The following FRMPD4 variants were observed in gnomAD, a reference collection of about 807,000 sequenced individuals.
FRMPD4 encodes FERM and PDZ domain-containing protein 4.
A neutral mutation model predicts 94.1 loss-of-function variants in FRMPD4; 22 were observed. The ratio of observed to expected loss-of-function variants is 0.23; its 90% CI spans 0.17 to 0.33. The LOEUF is 0.33. FRMPD4 is among the 10% of genes least tolerant of loss of function. FRMPD4 has a pLI of 1.00. For missense variants in FRMPD4, 1,111 were observed against 1,339.9 expected (o/e 0.83, Z 2.67); for synonymous variants, 631 against 548.6 (o/e 1.15, Z -2.10).
intron 1 of FRMPD4, among the ~76,000 whole-genome samples, chrX:12,419,861 A>G (rs2056859761): frequency 2.7e-5 from 3 of 109,891 alleles, no homozygotes. Flanking sequence ...CTCCTCCTTT[A>G]TCTCCTTCAT....
chrX:12,439,363 CTAA>C (rs1482453056), intron 1 of FRMPD4, among the ~76,000 whole-genome samples: 1 of 111,674 alleles, frequency 9.0e-6, no homozygotes, highest in East Asian at 2.8e-4. Context: ...TGATGGCAGA[CTAA>C]CACGTTAGCT....
chrX:12,053,154 A>G (rs982805847), intron 3 of FRMPD4, among the ~76,000 whole-genome samples: 7 of 109,027 alleles, frequency 6.4e-5, no homozygotes, highest in Non-Finnish European at 1.3e-4. Context: ...CCTGGCCAAC[A>G]TGGTGAAACC....
At chrX:11,990,179 C>T (rs1353023811) in intron 3 of FRMPD4, among the ~76,000 whole-genome samples, 2 of 112,000 alleles carry the variant, frequency 1.8e-5, no homozygotes, top group African/African-American at 3.2e-5. Context: ...ACCTTTAAAA[C>T]ATGATGCTAA....
Position 12,710,557 on chromosome X carries a change from A to C in FRMPD4, c.1609+20A>C, listed in dbSNP as rs779879684. 2.6e-5 allele frequency: 31 copies of C among 1,177,318 alleles called. No homozygotes were observed. The highest frequency in any genetic ancestry group is 3.5e-5 in the Non-Finnish European group (30 of 869,366). ...AAACAGGTATTCTCTTCCTGAACTC[A>C]TCAAGCACTGACCTCCCTGCAAACA... On this transcript the variant is annotated intron_variant, in intron 14 of 16. Coordinates refer to ENST00000675598, the MANE Select transcript of FRMPD4 (RefSeq NM_001368397.1).
At chrX:12,471,035 T>C (rs776106902) in intron 1 of FRMPD4, among the ~76,000 whole-genome samples, 3 of 112,512 alleles carry the variant, frequency 2.7e-5, no homozygotes, top group Non-Finnish European at 5.6e-5. Context: ...CTCCTGTTGA[T>C]GTTTTGTTCA....
At chrX:12,473,162 C>G (rs1340412069) in intron 1 of FRMPD4, among the ~76,000 whole-genome samples, 1 of 110,504 alleles carries the variant, frequency 9.0e-6, no homozygotes, top group Non-Finnish European at 1.9e-5. Flanking sequence ...CAATATTCAA[C>G]ATTCTTAAAG....
chrX:12,150,187 T>C (rs1305261798), intron 1 of FRMPD4, among the ~76,000 whole-genome samples: 2 of 112,501 alleles, frequency 1.8e-5, no homozygotes, highest in Non-Finnish European at 3.8e-5. Flanking sequence ...ATGTCTGTAC[T>C]GAGTAAATAT....
chrX:12,053,380 AAG>A (rs1491523166), intron 3 of FRMPD4, among the ~76,000 whole-genome samples: 1 of 92,330 alleles, frequency 1.1e-5, no homozygotes, highest in African/African-American at 3.8e-5. Flanking sequence ...GAAAGAAAGA[AAG>A]AAAGAAAGAA....
intron 3 of FRMPD4, among the ~76,000 whole-genome samples, chrX:12,064,547 G>A (rs1601912581): frequency 8.9e-6 from 1 of 111,986 alleles, no homozygotes; most frequent in East Asian, 2.8e-4. Flanking sequence ...CCTTTTTCTA[G>A]AGGTGAATGA....
At chrX:12,418,008 A>AC (rs1159089599) in intron 1 of FRMPD4, among the ~76,000 whole-genome samples, 6 of 108,696 alleles carry the variant, frequency 5.5e-5, no homozygotes, top group Non-Finnish European at 1.1e-4. Context: ...AAAAAAAAAA[A>AC]AAAACAAACA....
chrX:12,172,274 G>A (rs1368435714), intron 1 of FRMPD4, among the ~76,000 whole-genome samples: 1 of 109,070 alleles, frequency 9.2e-6, no homozygotes, highest in African/African-American at 3.3e-5. Flanking sequence ...AAAAAAAAAA[G>A]GGATAAGGAA....
intron 1 of FRMPD4, among the ~76,000 whole-genome samples, chrX:12,472,067 G>A (rs1466780591): frequency 8.9e-6 from 1 of 112,357 alleles, no homozygotes; most frequent in Non-Finnish European, 1.9e-5. Flanking sequence ...ACAAAACAGA[G>A]ACAAGAAATT....
At chrX:12,390,671 A>G (rs2056462275) in intron 1 of FRMPD4, among the ~76,000 whole-genome samples, 1 of 112,075 alleles carries the variant, frequency 8.9e-6, no homozygotes, top group African/African-American at 3.2e-5. Context: ...ATATTGCTCA[A>G]GAGTAATGAC....
At chrX:12,653,696 T>C (rs1318554737) in intron 4 of FRMPD4, among the ~76,000 whole-genome samples, 1 of 108,935 alleles carries the variant, frequency 9.2e-6, no homozygotes, top group African/African-American at 3.4e-5. Flanking sequence ...ACATATTCTG[T>C]ATCTATCTGT....
At position 12,718,254 on chromosome X, in the gene FRMPD4, G is replaced by A. The variant is rs200831430; in HGVS notation, c.3428G>A (p.Gly1143Glu). ...APDGETSDGS[G>E]LGQGDRFLTD... ...GATGGAGAAACCAGTGATGGCTCAG[G>A]ACTTGGTCAAGGGGACCGCTTCTTA... Residue 1143 changes from glycine (G) to glutamate (E), a missense_variant, in exon 16 of 17, where the codon GGA (glycine) becomes GAA (glutamate). By Grantham distance (98) the Gly-to-Glu change is moderately conservative. Coordinates refer to ENST00000675598, the MANE Select transcript of FRMPD4 (RefSeq NM_001368397.1). The A allele has an allele frequency of 5.0e-6, 6 of 1,210,203 alleles. No individual in the cohort carries two copies. The highest frequency in any genetic ancestry group is 6.7e-6 in the Non-Finnish European group (6 of 895,125).
intron 4 of FRMPD4, among the ~76,000 whole-genome samples, chrX:12,659,886 C>T (rs1472961084): frequency 8.0e-5 from 9 of 112,193 alleles, no homozygotes; most frequent in Non-Finnish European, 1.1e-4. Flanking sequence ...TTAGGTCAAA[C>T]CAAAACCAGA....
In FRMPD4 at chrX:12,243,205, C is replaced by T. The variant is rs892483303; in HGVS notation, c.41+104193C>T. On this transcript the variant is annotated intron_variant, in intron 1 of 16. Coordinates refer to ENST00000675598, the MANE Select transcript of FRMPD4 (RefSeq NM_001368397.1). Reference sequence around the variant, plus strand: ...CCTGTTCACCTGTTTCTGTATGCTTCGTCATTCCCACCTCGTGTTTTAACA... The same window carrying T: ...CCTGTTCACCTGTTTCTGTATGCTTTGTCATTCCCACCTCGTGTTTTAACA... 2.7e-5 allele frequency among the ~76,000 whole-genome samples: 3 copies of T among 112,192 alleles called. No homozygotes were observed. In the Admixed American group the frequency reaches 2.8e-4, roughly 11 times the overall value.
chrX:12,259,512 C>G (rs771161030), intron 1 of FRMPD4, among the ~76,000 whole-genome samples: 1 of 111,634 alleles, frequency 9.0e-6, no homozygotes, highest in Non-Finnish European at 1.9e-5. Flanking sequence ...AGAGCATGGT[C>G]CTGCTGATAT....
intron 3 of FRMPD4, among the ~76,000 whole-genome samples, chrX:12,093,903 GA>G (rs200973541): frequency 6.5e-4 from 65 of 100,076 alleles, no homozygotes; most frequent in East Asian, 3.4e-3. Flanking sequence ...CTACTTGCAT[GA>G]AAAAAAAAAA....
Sources: gnomAD v4.1 joint callset for allele counts (sites outside exome capture counted in the v4.1 genomes callset) on GRCh38, gnomAD v4.1.1 for gene constraint, MANE v1.5 for transcripts, NCBI Gene and HGNC (gene_info 2026-07-23, HGNC 2026-07-21) for gene names.